The following TTC17 variants were observed in gnomAD, a reference collection of about 807,000 sequenced individuals.
TTC17 encodes the protein tetratricopeptide repeat protein 17.
In TTC17, 58 loss-of-function variants were observed where a neutral mutation model predicts 143.8. The ratio of observed to expected loss-of-function variants is 0.40; its 90% CI spans 0.33 to 0.50. The LOEUF is 0.50. Among genes scored for constraint, TTC17 ranks in the 20% least tolerant of loss-of-function variants. TTC17 has a pLI of 0.49. For synonymous variants in TTC17, 501 were observed against 497.8 expected (o/e 1.01, Z -0.09); for missense variants, 1,273 against 1,392.5 (o/e 0.91, Z 1.37).
intron 1 of TTC17, among the ~76,000 whole-genome samples, chr11:43,372,983 T>G (rs1856627947): frequency 6.6e-6 from 1 of 152,140 alleles, no homozygotes; most frequent in Admixed American, 6.5e-5. Flanking sequence ...AGTAGATATA[T>G]TATTATCGTA....
rs536463093 is a variant in TTC17 at position 43,375,367 on chromosome 11, TACTC to T, written c.160-3862_160-3859del. On this transcript the variant is annotated intron_variant, in intron 1 of 23. Transcript: ENST00000039989. ...GATATTGGATAGCAAACACTACAAA[TACTC>T]ACTAAACAGAACCATTTCAGGTTTT... Among the ~76,000 whole-genome samples, 955 of 152,294 alleles carry T rather than the reference TACTC, an allele frequency of 6.3e-3. 5 individuals carry two copies. The highest frequency in any genetic ancestry group is 0.01 in the Non-Finnish European group (714 of 68,016).
At position 43,396,719 on chromosome 11, in the gene TTC17, C is replaced by A; in HGVS notation, c.674C>A (p.Ser225Ter). Residue 225 changes from serine (S) to a stop codon, truncating the protein, a stop_gained, in exon 6 of 24, where the codon TCG (serine) becomes TAG (stop). Coordinates refer to ENST00000039989, the MANE Select transcript of TTC17 (RefSeq NM_018259.6). LOFTEE classifies it high-confidence loss of function. ...IHEGLQKNTS[S>*]WVLYNMASFY... ...TTTTTTAATCTCTAGAACACTTCCT[C>A]GTGGGTACTGTATAACATGGCTTCA... The A allele has an allele frequency of 6.3e-7, 1 of 1,581,396 alleles. No individual in the cohort carries two copies. Among genetic ancestry groups the A allele is most frequent in the Non-Finnish European group, 8.6e-7 (1 of 1,157,460 alleles).
At chr11:43,439,532 A>G (rs568008004) in intron 16 of TTC17, among the ~76,000 whole-genome samples, 171 of 151,066 alleles carry the variant, frequency 1.1e-3, no homozygotes, top group South Asian at 1.5e-3. Flanking sequence ...CAGTGGCGCA[A>G]TCTCAGCTCA....
chr11:43,360,566 C>T (rs188710165), intron 1 of TTC17, among the ~76,000 whole-genome samples: 1 of 152,276 alleles, frequency 6.6e-6, no homozygotes, highest in East Asian at 1.9e-4. Flanking sequence ...TTGGCCACAG[C>T]TATTTATACT....
chr11:43,481,991 G>A (rs1050795585), intron 21 of TTC17, among the ~76,000 whole-genome samples: 17 of 151,936 alleles, frequency 1.1e-4, no homozygotes, highest in African/African-American at 4.1e-4. Flanking sequence ...TGTATTTTTA[G>A]TAGAGATGAG....
At chr11:43,434,239 G>C (rs1947233380) in intron 16 of TTC17, among the ~76,000 whole-genome samples, 2 of 134,788 alleles carry the variant, frequency 1.5e-5, no homozygotes, top group Admixed American at 7.5e-5. Flanking sequence ...ACACTCTCAT[G>C]GCCTCTTTCC....
Position 43,451,279 on chromosome 11 carries a change from C to T in TTC17, c.3030+14C>T. 6.2e-7 allele frequency: 1 copy of T among 1,611,224 alleles called. No homozygotes were observed. The highest frequency in any genetic ancestry group is 8.5e-7 in the Non-Finnish European group (1 of 1,177,534). On this transcript the variant is annotated intron_variant, in intron 21 of 23. Coordinates refer to ENST00000039989, the MANE Select transcript of TTC17 (RefSeq NM_018259.6). ...GTTTTGGAAAAGGTAAGTCACCCCACAGAAAAGCTGGAAACAATTGCCCTC... is the reference window on the plus strand; with the variant it reads ...GTTTTGGAAAAGGTAAGTCACCCCATAGAAAAGCTGGAAACAATTGCCCTC...
intron 15 of TTC17, among the ~76,000 whole-genome samples, chr11:43,413,028 A>ACACACACACACAC: frequency 7.2e-6 from 1 of 138,804 alleles, no homozygotes; most frequent in African/African-American, 2.6e-5. Context: ...ACACACACAC[A>ACACACACACACAC]AATGGGGGCA....
chr11:43,430,827 T>G (rs1947141123), intron 16 of TTC17, among the ~76,000 whole-genome samples: 1 of 152,054 alleles, frequency 6.6e-6, no homozygotes. Context: ...GGGATACATG[T>G]GCAGAACATG....
rs547152003 is a variant in TTC17, at chr11:43,453,384, AAG to A, written c.3030+2125_3030+2126del. 2.9e-3 allele frequency among the ~76,000 whole-genome samples: 435 copies of A among 152,272 alleles called. 2 individuals are homozygous for A. Among genetic ancestry groups the A allele is most frequent in the Non-Finnish European group, 5.4e-3 (365 of 68,010 alleles). ...TTACTCCATCTTGGAAGAAAAAAAA[AAG>A]AGAGAAAGAAAGAAAATATAATCAG... On this transcript the variant is annotated intron_variant, in intron 21 of 23. Coordinates refer to ENST00000039989, the MANE Select transcript of TTC17 (RefSeq NM_018259.6).
chr11:43,480,403 G>C (rs1389743616), intron 21 of TTC17, among the ~76,000 whole-genome samples: 2 of 152,096 alleles, frequency 1.3e-5, no homozygotes, highest in Non-Finnish European at 2.9e-5. Context: ...AAGGATACCA[G>C]ACCCCCTAGA....
intron 21 of TTC17, among the ~76,000 whole-genome samples, chr11:43,463,834 T>C (rs753487335): frequency 2.0e-5 from 3 of 152,178 alleles, no homozygotes; most frequent in Non-Finnish European, 4.4e-5. Flanking sequence ...CTTTAATTAA[T>C]GTAGTTTGAT....
At chr11:43,387,122 G>GA (rs1159683826) in intron 2 of TTC17, among the ~76,000 whole-genome samples, 13 of 152,104 alleles carry the variant, frequency 8.5e-5, no homozygotes, top group South Asian at 6.2e-4. Context: ...CTATTGGGGG[G>GA]AAAAAATAAG....
At chr11:43,365,068 T>G (rs1273288390) in intron 1 of TTC17, among the ~76,000 whole-genome samples, 1 of 151,994 alleles carries the variant, frequency 6.6e-6, no homozygotes, top group African/African-American at 2.4e-5. Flanking sequence ...CCCAAAGTGC[T>G]GGGATTACAG....
At chr11:43,377,602 A>G (rs1856810307) in intron 1 of TTC17, among the ~76,000 whole-genome samples, 1 of 152,172 alleles carries the variant, frequency 6.6e-6, no homozygotes, top group African/African-American at 2.4e-5. Context: ...AAAGAGAAAC[A>G]CAGCTGTCAG....
intron 21 of TTC17, among the ~76,000 whole-genome samples, chr11:43,463,888 T>G (rs191817660): frequency 6.6e-6 from 1 of 152,258 alleles, no homozygotes; most frequent in Non-Finnish European, 1.5e-5. Context: ...AATAAAAGAC[T>G]AATTGCATAT....
At chr11:43,371,860 A>G (rs1856579574) in intron 1 of TTC17, among the ~76,000 whole-genome samples, 1 of 152,194 alleles carries the variant, frequency 6.6e-6, no homozygotes, top group Non-Finnish European at 1.5e-5. Flanking sequence ...GACCAAATAT[A>G]TATTTTACAA....
intron 16 of TTC17, among the ~76,000 whole-genome samples, chr11:43,441,826 C>T (rs1307060823): frequency 2.0e-5 from 3 of 152,110 alleles, no homozygotes; most frequent in Admixed American, 6.5e-5. Context: ...TTTTAAATAA[C>T]GATAAATATT....
intron 21 of TTC17, among the ~76,000 whole-genome samples, chr11:43,454,589 C>T (rs956519340): frequency 1.3e-5 from 2 of 151,798 alleles, no homozygotes; most frequent in Admixed American, 6.6e-5. Context: ...CGAGAAATAT[C>T]CAAATAAAAT....
Sources: allele counts gnomAD v4.1 joint callset (sites outside exome capture counted in the v4.1 genomes callset), GRCh38; gene constraint gnomAD v4.1.1; transcripts MANE v1.5; gene names NCBI Gene and HGNC (gene_info 2026-07-23, HGNC 2026-07-21).